The following PTPRD variants were observed in gnomAD, a reference collection of about 807,000 sequenced individuals.
PTPRD encodes receptor-type tyrosine-protein phosphatase delta.
Under a neutral mutation model 214.5 loss-of-function variants are expected in PTPRD, and 34 were observed. The ratio of observed to expected loss-of-function variants is 0.16; its 90% CI spans 0.12 to 0.21. PTPRD has a LOEUF of 0.21. Among genes scored for constraint, PTPRD ranks in the 10% least tolerant of loss-of-function variants. PTPRD has a pLI of 1.00. For synonymous variants in PTPRD, 1,128 were observed against 845.7 expected (o/e 1.33, Z -5.79); for missense variants, 2,545 against 2,398.7 (o/e 1.06, Z -1.27).
At chr9:9,973,825 C>G (rs1377778870) in intron 4 of PTPRD, among the ~76,000 whole-genome samples, 1 of 151,228 alleles carries the variant, frequency 6.6e-6, no homozygotes, top group East Asian at 1.9e-4. Context: ...TATTTTTAAT[C>G]ATCTTATTTT....
chr9:9,580,718 T>C (rs2090528565), intron 7 of PTPRD, among the ~76,000 whole-genome samples: 2 of 151,814 alleles, frequency 1.3e-5, no homozygotes, highest in Non-Finnish European at 2.9e-5. Flanking sequence ...CTGCCTAATT[T>C]TTGTATTTTT....
rs1194654051 is a variant in PTPRD, at chr9:10,325,296, G to C, written c.-545+15667C>G. ...GCCACATGTTGAGATACAAGGCCTA[G>C]TTATACAGTAGGCAATTTTAAAAAC... On this transcript the variant is annotated intron_variant, in intron 3 of 45. Transcript: ENST00000381196. Among the ~76,000 whole-genome samples the C allele has an allele frequency of 3.3e-5, 5 of 151,962 alleles. No individual in the cohort carries two copies. The South Asian group carries it at 6.2e-4, about 19-fold the overall frequency.
chr9:9,489,986 G>A (rs893021257), intron 8 of PTPRD, among the ~76,000 whole-genome samples: 2 of 151,970 alleles, frequency 1.3e-5, no homozygotes, highest in Admixed American at 6.6e-5. Context: ...CAGAAACAAA[G>A]AGAAAATCTT....
chr9:9,024,953 T>TAGATGA (rs2099582155), intron 10 of PTPRD, among the ~76,000 whole-genome samples: 1 of 152,052 alleles, frequency 6.6e-6, no homozygotes, highest in Non-Finnish European at 1.5e-5. Flanking sequence ...TGATTACAAA[T>TAGATGA]AGATGAATAA....
chr9:8,503,871 T>G (rs561505985), intron 23 of PTPRD, among the ~76,000 whole-genome samples: 1 of 152,312 alleles, frequency 6.6e-6, no homozygotes, highest in East Asian at 1.9e-4. Context: ...AAATAAAGTT[T>G]TTTTTTGTCT....
At chr9:8,443,161 T>G (rs980908698) in intron 34 of PTPRD, among the ~76,000 whole-genome samples, 2 of 152,180 alleles carry the variant, frequency 1.3e-5, no homozygotes, top group Admixed American at 6.5e-5. Context: ...TTTTAAAAAA[T>G]TTTTGTAAAA....
intron 8 of PTPRD, among the ~76,000 whole-genome samples, chr9:9,483,425 A>T (rs1296493359): frequency 6.6e-6 from 1 of 152,178 alleles, no homozygotes; most frequent in African/African-American, 2.4e-5. Flanking sequence ...GATTTAGGAA[A>T]TTAGATGCCA....
chr9:8,404,469 A>T, intron 36 of PTPRD, 68 bp downstream of exon 36: 1 of 1,545,224 alleles, frequency 6.5e-7, no homozygotes, highest in African/African-American at 1.4e-5. Flanking sequence ...CCTCACTAAA[A>T]CAATATTCTC....
chr9:9,895,968 G>C (rs771204923), intron 5 of PTPRD, among the ~76,000 whole-genome samples: 1 of 152,050 alleles, frequency 6.6e-6, no homozygotes, highest in East Asian at 1.9e-4. Context: ...AACTTACTCA[G>C]AGCATGAATG....
At chr9:8,560,361 G>C (rs187811704) in intron 14 of PTPRD, among the ~76,000 whole-genome samples, 65 of 151,632 alleles carry the variant, frequency 4.3e-4, no homozygotes, top group Non-Finnish European at 8.2e-4. Context: ...ATGCAAAATG[G>C]GGGGAGTGGA....
intron 11 of PTPRD, among the ~76,000 whole-genome samples, chr9:8,774,286 T>A (rs1047489561): frequency 1.3e-5 from 2 of 152,082 alleles, no homozygotes; most frequent in African/African-American, 4.8e-5. Flanking sequence ...TTATAAGAAA[T>A]TGGATTCAAT....
At chr9:8,976,715 G>T (rs1436098912) in intron 11 of PTPRD, among the ~76,000 whole-genome samples, 2 of 152,018 alleles carry the variant, frequency 1.3e-5, no homozygotes, top group Non-Finnish European at 2.9e-5. Flanking sequence ...CCTCTCTACA[G>T]TCTGATTTTT....
intron 2 of PTPRD, among the ~76,000 whole-genome samples, chr9:10,394,532 T>C (rs1189696667): frequency 1.3e-5 from 2 of 151,868 alleles, no homozygotes; most frequent in Non-Finnish European, 2.9e-5. Context: ...TAAGTTGGAA[T>C]GTATAGAAGA....
intron 5 of PTPRD, among the ~76,000 whole-genome samples, chr9:9,908,024 G>C (rs1048839481): frequency 4.6e-5 from 7 of 151,736 alleles, no homozygotes; most frequent in African/African-American, 1.7e-4. Flanking sequence ...AGTATACAGT[G>C]AGATTATAAT....
At chr9:10,486,225 G>C (rs986768047) in intron 2 of PTPRD, among the ~76,000 whole-genome samples, 2 of 152,044 alleles carry the variant, frequency 1.3e-5, no homozygotes, top group Non-Finnish European at 2.9e-5. Context: ...TGTTCCAATT[G>C]TTTCTGGGAT....
intron 12 of PTPRD, among the ~76,000 whole-genome samples, chr9:8,650,012 G>A (rs2096773958): frequency 6.6e-6 from 1 of 151,974 alleles, no homozygotes; most frequent in Admixed American, 6.6e-5. Context: ...CCACCTCCTG[G>A]GCTCAAGCCA....
chr9:9,264,328 G>C (rs1937985494), intron 9 of PTPRD, among the ~76,000 whole-genome samples: 1 of 151,558 alleles, frequency 6.6e-6, no homozygotes, highest in Non-Finnish European at 1.5e-5. Context: ...TAAAGAAAGA[G>C]ATAGAAATCA....
chr9:8,341,000 T>TTGAA, intron 41 of PTPRD, 90 bp downstream of exon 41: 1 of 1,307,696 alleles, frequency 7.6e-7, no homozygotes, highest in Non-Finnish European at 1.0e-6. Flanking sequence ...GAAAATGTCT[T>TTGAA]TGAATGGAGA....
At chr9:10,214,464 T>A (rs1367090387) in intron 3 of PTPRD, among the ~76,000 whole-genome samples, 1 of 146,936 alleles carries the variant, frequency 6.8e-6, no homozygotes, top group Non-Finnish European at 1.5e-5. Flanking sequence ...TTAATATAGA[T>A]GGGGTTTCAC....
Sources: allele counts gnomAD v4.1 joint callset (sites outside exome capture counted in the v4.1 genomes callset), GRCh38; gene constraint gnomAD v4.1.1; transcripts MANE v1.5; gene names NCBI Gene and HGNC (gene_info 2026-07-23, HGNC 2026-07-21).